The following NOTCH3 variants were observed in gnomAD, a reference collection of about 807,000 sequenced individuals.
NOTCH3 encodes the protein notch receptor 3.
Under a neutral mutation model 213.3 loss-of-function variants are expected in NOTCH3, and 86 were observed. That is an observed-to-expected ratio of 0.40 (90% CI 0.34 to 0.48). The LOEUF (loss-of-function observed/expected upper bound fraction) is 0.48. Among genes scored for constraint, NOTCH3 ranks in the 20% least tolerant of loss-of-function variants. The pLI is 0.57. For synonymous variants in NOTCH3, 1,354 were observed against 1,355.9 expected, an observed-to-expected ratio of 1.00 and a Z score of 0.03; for missense variants, 2,783 against 3,272.6, an observed-to-expected ratio of 0.85 and a Z score of 3.65.
intron 17 of NOTCH3, 130 bp downstream of exon 17, chr19:15,181,446 C>G: frequency 1.3e-6 from 1 of 770,818 alleles, no homozygotes; most frequent in Non-Finnish European, 2.1e-6. Context: ...CCTGCCCCAT[C>G]AGTCATCAGA....
Position 15,184,454 on chromosome 19 carries a change from G to C in NOTCH3, c.2411-4C>G, listed in dbSNP as rs190177286. The stretch of plus-strand genomic sequence containing the variant: ...ACATCCTGCTGGCATCGTGGGCCTG[G>C]GGGTAGGGAGCAAGGTTACACCTAG... On this transcript the variant is annotated splice_polypyrimidine_tract_variant and splice_region_variant and intron_variant, in intron 15 of 32. Coordinates refer to ENST00000263388, the MANE Select transcript of NOTCH3 (RefSeq NM_000435.3). 4.5e-3 allele frequency: 7,281 copies of C among 1,613,688 alleles called. 28 individuals are homozygous for C. Among genetic ancestry groups the C allele is most frequent in the Non-Finnish European group, 5.5e-3 (6,480 of 1,179,772 alleles).
At chr19:15,188,407 C>T in intron 8 of NOTCH3, 59 bp from the exon 9 acceptor site, 1 of 1,116,866 alleles carries the variant, frequency 9.0e-7, no homozygotes, top group South Asian at 1.3e-5. Context: ...GAACGGGGTG[C>T]AAGGAAGGAG....
At chr19:15,162,649 C>T in intron 31 of NOTCH3, 87 bp from the exon 32 acceptor site, 1 of 987,068 alleles carries the variant, frequency 1.0e-6, no homozygotes, top group South Asian at 1.3e-5. Context: ...TAGAATGTGG[C>T]CTAGGGGTAG....
chr19:15,175,588 TATAC>T (rs751260661), intron 24 of NOTCH3, among the ~76,000 whole-genome samples: 2 of 47,186 alleles, frequency 4.2e-5, no homozygotes, highest in East Asian at 7.2e-4. Context: ...TATATATGTA[TATAC>T]ACACACACAC....
chr19:15,182,498 A>G (rs1483495662), intron 16 of NOTCH3, among the ~76,000 whole-genome samples: 2 of 95,950 alleles, frequency 2.1e-5, no homozygotes, highest in African/African-American at 6.5e-5. Context: ...CAGAGTGAGA[A>G]CTTGTCTCAA....
At position 15,161,716 on chromosome 19, in the gene NOTCH3, T is replaced by G. The variant is rs766297527; in HGVS notation, c.5914-2A>C. Reference sequence around the variant, plus strand: ...GGCCAGGAATAGGGGGGTCTCCTCCTGGGGGGCCAGAACCCACAGAGGTCA... The same window carrying G: ...GGCCAGGAATAGGGGGGTCTCCTCCGGGGGGGCCAGAACCCACAGAGGTCA... On this transcript the variant is annotated splice_acceptor_variant, in intron 32 of 32. Coordinates refer to ENST00000263388, the MANE Select transcript of NOTCH3 (RefSeq NM_000435.3). LOFTEE classifies it high-confidence loss of function. 1 of 1,612,932 alleles carries G rather than the reference T, an allele frequency of 6.2e-7. No homozygotes were observed. Among genetic ancestry groups the G allele is most frequent in the Non-Finnish European group, 8.5e-7 (1 of 1,179,506 alleles).
rs1245481086 is a variant in NOTCH3 at position 15,165,819 on chromosome 19, C to T, written c.5635G>A (p.Ala1879Thr). 1.7e-5 allele frequency: 27 copies of T among 1,613,512 alleles called. No homozygotes were observed. Among genetic ancestry groups the T allele is most frequent in the Non-Finnish European group, 2.3e-5 (27 of 1,180,044 alleles). ...DHSGRTPLHTAVTADAQGVFQ... is the reference protein window; with the variant it reads ...DHSGRTPLHTTVTADAQGVFQ... ...ACACCCTGGGCATCGGCTGTGACAG[C>T]TGTGTGCAGGGGAGTGCGGCCTGAG... The change falls in exon 30 of 33, where the codon GCT (alanine) becomes ACT (threonine). Residue 1879 changes from alanine (A) to threonine (T), a missense_variant. Coordinates refer to ENST00000263388, the MANE Select transcript of NOTCH3 (RefSeq NM_000435.3). The surrounding 1 kb of genome is among the most constrained non-coding windows in gnomAD (Gnocchi z 4.7).
rs1599382545 is a variant in NOTCH3 at position 15,180,989 on chromosome 19, A to C, written c.2966T>G (p.Leu989Arg). The change falls in exon 18 of 33, where the codon CTC becomes CGC. Residue 989 changes from leucine (L) to arginine (R), a missense_variant. Leu to Arg is a moderately radical substitution (Grantham distance 102, BLOSUM62 -2). This residue lies in a region of NOTCH3 where 861 missense variants were observed against 909.1 expected (regional missense o/e 0.95). Transcript: ENST00000263388. ...GCACTGCGGGCCCGTGAAGCTCTCG[A>C]GGCAGGTGCAGCGGAAGCCAGGGTG... ...AAHPGFRCTCLESFTGPQCQT... is the reference protein window; with the variant it reads ...AAHPGFRCTCRESFTGPQCQT... 5 of 1,596,990 alleles carry C rather than the reference A, an allele frequency of 3.1e-6. No individual in the cohort carries two copies. The East Asian group carries it at 1.1e-4, about 36-fold the overall frequency.
chr19:15,194,323 G>A (rs1015782766), intron 2 of NOTCH3, among the ~76,000 whole-genome samples: 2 of 152,194 alleles, frequency 1.3e-5, no homozygotes, highest in African/African-American at 4.8e-5. Flanking sequence ...AGGGACTGGA[G>A]TGAGACAGCC....
Position 15,185,077 on chromosome 19 carries a change from TCTCCCCCCAC to T in NOTCH3, c.2297-68_2297-59del, listed in dbSNP as rs2145429018. ...AGCCTTGAGGGACTCCCTGATCCCA[TCTCCCCCCAC>T]CTCCCCCAACCCCAGGGTCCCCACC... On this transcript the variant is annotated intron_variant, in intron 14 of 32. Transcript: ENST00000263388. This position sits in a 1 kb window ranked among gnomAD's most constrained non-coding sequence, Gnocchi z 4.2. 1.6e-6 allele frequency: 2 copies of T among 1,257,354 alleles called. No homozygotes were observed. Among genetic ancestry groups the T allele is most frequent in the Non-Finnish European group, 2.2e-6 (2 of 902,748 alleles). The allele number at this position is 1,257,354 out of a possible 1,614,324, so 77.9% of individuals were successfully genotyped here.
intron 28 of NOTCH3, among the ~76,000 whole-genome samples, chr19:15,168,226 A>G (rs528618318): frequency 4.9e-4 from 74 of 152,282 alleles, no homozygotes; most frequent in Admixed American, 3.7e-3. Context: ...CCATTCCACC[A>G]TGCTAAGATA....
At chr19:15,173,067 T>TC (rs780210755) in intron 25 of NOTCH3, among the ~76,000 whole-genome samples, 5,994 of 11,722 alleles carry the variant, frequency 0.51, 2,161 homozygotes, top group Non-Finnish European at 0.59. Context: ...TTCTTCTTCT[T>TC]CTTCTTCTTC....
At position 15,165,561 on chromosome 19, in the gene NOTCH3, G is replaced by C; in HGVS notation, c.5668-46C>G. On this transcript the variant is annotated intron_variant, in intron 30 of 32. Coordinates refer to ENST00000263388, the MANE Select transcript of NOTCH3 (RefSeq NM_000435.3). This position sits in a 1 kb window ranked among gnomAD's most constrained non-coding sequence, Gnocchi z 4.7. ...AGCAGGAGGGGTCATGGCAGGAACAGAGGAATCAGGAGCACCCCTAAGTCC... is the reference window on the plus strand; with the variant it reads ...AGCAGGAGGGGTCATGGCAGGAACACAGGAATCAGGAGCACCCCTAAGTCC... The C allele has an allele frequency of 6.3e-7, 1 of 1,598,488 alleles. No individual in the cohort carries two copies. The highest frequency in any genetic ancestry group is 8.5e-7 in the Non-Finnish European group (1 of 1,176,252).
At chr19:15,194,914 G>GC (rs1412262385) in intron 2 of NOTCH3, among the ~76,000 whole-genome samples, 4 of 145,528 alleles carry the variant, frequency 2.7e-5, no homozygotes, top group Non-Finnish European at 6.0e-5. Flanking sequence ...CCAAGATCGA[G>GC]CCACTGCACT....
intron 25 of NOTCH3, among the ~76,000 whole-genome samples, chr19:15,173,315 G>C (rs1378622910): frequency 1.3e-5 from 2 of 149,216 alleles, no homozygotes; most frequent in African/African-American, 4.9e-5. Flanking sequence ...CCAGCTACTC[G>C]GGAGGCTGAG....
chr19:15,173,804 GA>G (rs1233201417), intron 25 of NOTCH3, among the ~76,000 whole-genome samples: 3 of 146,962 alleles, frequency 2.0e-5, no homozygotes, highest in East Asian at 2.0e-4. Context: ...AGAAGAAGAA[GA>G]AAAAAACCCT....
intron 17 of NOTCH3, 49 bp downstream of exon 17, chr19:15,181,520 TCCCAGGC>T (rs1260588732): frequency 1.4e-6 from 2 of 1,451,790 alleles, no homozygotes; most frequent in Non-Finnish European, 1.9e-6. Flanking sequence ...TCGTCCCAGG[TCCCAGGC>T]CCCATCCCAA....
rs2046903777 is a variant in NOTCH3 at position 15,188,673 on chromosome 19, C to T, written c.1378+316G>A. On this transcript the variant is annotated intron_variant, in intron 8 of 32. Transcript: ENST00000263388. ...CCATAGCCTTTGCCCAGGCTTACTG[C>T]AAGCTTGTCTGCAGGCTTCACCTTG... 2.0e-5 allele frequency among the ~76,000 whole-genome samples: 3 copies of T among 151,896 alleles called. No homozygotes were observed. The South Asian group carries it at 6.2e-4, about 32-fold the overall frequency.
rs1394855199 is a variant in NOTCH3, at chr19:15,185,565, G to C, written c.2066C>G (p.Pro689Arg). Residue 689 changes from proline to arginine, a missense_variant, in exon 13 of 33, where the codon CCC (proline) becomes CGC (arginine). Pro to Arg is a moderately radical substitution (Grantham distance 103). Transcript: ENST00000263388. This position sits in a 1 kb window ranked among gnomAD's most constrained non-coding sequence, Gnocchi z 4.2. ...FRCLCPPGSL[P>R]PLCLPPSHPC... ...ATGGCTCGGGGGGAGGCAGAGTGGG[G>C]GCAAGGAGCCAGGCGGGCAGAGGCA... is the stretch of plus-strand genomic sequence containing the variant. The C allele has an allele frequency of 1.2e-6, 2 of 1,612,610 alleles. No individual in the cohort carries two copies. Among genetic ancestry groups the C allele is most frequent in the East Asian group, 4.5e-5 (2 of 44,762 alleles).
Sources: gnomAD v4.1 joint callset for allele counts (sites outside exome capture counted in the v4.1 genomes callset) on GRCh38, gnomAD v4.1.1 for gene constraint, gnomAD v4.1.1 regional missense constraint, Gnocchi (gnomAD v3.1) non-coding constraint, MANE v1.5 for transcripts, NCBI Gene and HGNC (gene_info 2026-07-23, HGNC 2026-07-21) for gene names.